Variants in NCAM1 observed in about 807,000 individuals in gnomAD.
The protein encoded by NCAM1 is neural cell adhesion molecule 1, also known as antigen recognized by monoclonal antibody 5.1H11.
Under a neutral mutation model 109.8 loss-of-function variants are expected in NCAM1, and 14 were observed. The observed-to-expected ratio is 0.13, with a 90% CI of 0.08 to 0.20. The LOEUF is 0.20. Ranked by LOEUF, NCAM1 falls within the 10% of genes least tolerant of loss-of-function variation. The probability of loss-of-function intolerance (pLI) is 1.00; values close to 1 mark genes in which losing one functional copy is unlikely to be tolerated. For synonymous variants in NCAM1, 418 were observed against 442.9 expected, an observed-to-expected ratio of 0.94 and a Z score of 0.70; for missense variants, 774 against 1,109.9, an observed-to-expected ratio of 0.70 and a Z score of 4.30.
chr11:112,998,919 C>A (rs552716242), intron 1 of NCAM1, among the ~76,000 whole-genome samples: 3 of 152,110 alleles, frequency 2.0e-5, no homozygotes, highest in Non-Finnish European at 4.4e-5. Flanking sequence ...TAAAGAGTTT[C>A]CTCTATACTT....
intron 1 of NCAM1, among the ~76,000 whole-genome samples, chr11:113,142,390 A>G (rs534539016): frequency 5.9e-5 from 9 of 152,364 alleles, no homozygotes; most frequent in Non-Finnish European, 1.0e-4. Flanking sequence ...ATGCAGAAAC[A>G]TAAGTTTTAA....
chr11:113,153,731 G>C (rs1219550166), intron 1 of NCAM1, among the ~76,000 whole-genome samples: 1 of 152,176 alleles, frequency 6.6e-6, no homozygotes, highest in Non-Finnish European at 1.5e-5. Flanking sequence ...GTGTGTACAG[G>C]TGGCAGTGAG....
At chr11:113,272,288 CCCT>C (rs1370035829) in intron 19 of NCAM1, among the ~76,000 whole-genome samples, 3 of 152,056 alleles carry the variant, frequency 2.0e-5, no homozygotes, top group Non-Finnish European at 4.4e-5. Context: ...AGTTCTCTGC[CCCT>C]CCTCTGTTCA....
At chr11:113,137,280 G>A (rs1941635668) in intron 1 of NCAM1, among the ~76,000 whole-genome samples, 1 of 152,148 alleles carries the variant, frequency 6.6e-6, no homozygotes, top group African/African-American at 2.4e-5. Context: ...ATGTTATCTG[G>A]AAACCCAGCT....
At chr11:113,130,939 C>G (rs1245119) in intron 1 of NCAM1, 92,921 of 151,940 alleles carry the variant, frequency 0.61, 29,042 homozygotes, top group Admixed American at 0.73. Flanking sequence ...CATAGTAACT[C>G]TCTCCTTGCA....
chr11:113,239,868 G>A (rs1945275549), intron 14 of NCAM1, among the ~76,000 whole-genome samples: 1 of 152,192 alleles, frequency 6.6e-6, no homozygotes, highest in South Asian at 2.1e-4. Context: ...ACAAAACCAT[G>A]AGTATTAGAT....
intron 1 of NCAM1, chr11:113,003,832 G>A (rs545820090): frequency 1.4e-4 from 21 of 152,298 alleles, no homozygotes; most frequent in African/African-American, 4.1e-4. Context: ...GTTTTGGCAC[G>A]GGCTCTTGCT....
At chr11:113,257,245 G>A (rs953411848) in intron 16 of NCAM1, among the ~76,000 whole-genome samples, 1 of 152,168 alleles carries the variant, frequency 6.6e-6, no homozygotes, top group Non-Finnish European at 1.5e-5. Context: ...TGGTAGGCTG[G>A]GATGCCTTTC....
intron 1 of NCAM1, among the ~76,000 whole-genome samples, chr11:113,000,817 C>CATCTATAT (rs1951728335): frequency 7.7e-6 from 1 of 129,458 alleles, no homozygotes; most frequent in South Asian, 2.4e-4. Context: ...ATTATATATA[C>CATCTATAT]ATATATATAT....
chr11:112,997,840 C>A (rs1951636264), intron 1 of NCAM1, among the ~76,000 whole-genome samples: 2 of 152,146 alleles, frequency 1.3e-5, no homozygotes, highest in Admixed American at 1.3e-4. Context: ...ATTGATGATT[C>A]TGTTTCAAAG....
chr11:113,244,172 A>C (rs1945430167), intron 14 of NCAM1, among the ~76,000 whole-genome samples: 1 of 152,150 alleles, frequency 6.6e-6, no homozygotes, highest in Admixed American at 6.5e-5. Context: ...CAGGCACAGT[A>C]GGAGAAAGCT....
chr11:113,040,075 G>A (rs186826847), intron 1 of NCAM1, among the ~76,000 whole-genome samples: 1 of 152,338 alleles, frequency 6.6e-6, no homozygotes, highest in Admixed American at 6.5e-5. Flanking sequence ...CCAGGAGGTG[G>A]AGGTTGCAGT....
chr11:113,009,064 T>C (rs1555073805), intron 1 of NCAM1, among the ~76,000 whole-genome samples: 1 of 152,136 alleles, frequency 6.6e-6, no homozygotes. Flanking sequence ...TCATGGAGAA[T>C]GTTAGTTAGC....
intron 9 of NCAM1, among the ~76,000 whole-genome samples, chr11:113,224,145 C>T (rs1172352850): frequency 6.6e-6 from 1 of 152,234 alleles, no homozygotes; most frequent in Non-Finnish European, 1.5e-5. Context: ...ATCACCTCAC[C>T]TGGGAAGCAC....
chr11:113,251,813 C>T (rs182398762), intron 15 of NCAM1, among the ~76,000 whole-genome samples: 411 of 152,326 alleles, frequency 2.7e-3, no homozygotes, highest in African/African-American at 9.6e-3. Context: ...ACACAGTGCA[C>T]ATCAGGACTC....
intron 1 of NCAM1, among the ~76,000 whole-genome samples, chr11:113,103,081 G>A (rs1555091821): frequency 6.6e-6 from 1 of 152,184 alleles, no homozygotes; most frequent in African/African-American, 2.4e-5. Flanking sequence ...TGAGTAGATA[G>A]GGACTGGTTG....
chr11:113,083,347 T>G (rs1938929650), intron 1 of NCAM1, among the ~76,000 whole-genome samples: 2 of 152,218 alleles, frequency 1.3e-5, no homozygotes, highest in African/African-American at 4.8e-5. Flanking sequence ...CGTCCTGGTC[T>G]TTAGTCATTT....
intron 13 of NCAM1, 117 bp from the exon 14 acceptor site, chr11:113,234,916 G>C (rs1945118167): frequency 2.3e-6 from 3 of 1,311,356 alleles, no homozygotes; most frequent in Non-Finnish European, 3.1e-6. Flanking sequence ...AAATAGAATT[G>C]CTGGACCAAA....
intron 1 of NCAM1, among the ~76,000 whole-genome samples, chr11:113,099,774 C>T (rs1162837401): frequency 2.6e-5 from 4 of 152,130 alleles, no homozygotes; most frequent in South Asian, 2.1e-4. Context: ...CTGCGACCTC[C>T]GCCTCCTGGG....
Sources: allele counts gnomAD v4.1 joint callset (sites outside exome capture counted in the v4.1 genomes callset), GRCh38; gene constraint gnomAD v4.1.1; transcripts MANE v1.5; gene names NCBI Gene and HGNC (gene_info 2026-07-23, HGNC 2026-07-21).